HMCN2: variants seen among roughly 807,000 people sequenced by gnomAD.
The protein encoded by HMCN2 is hemicentin 2, also known as hemicentin-2.
Under a neutral mutation model 377.5 loss-of-function variants are expected in HMCN2, and 325 were observed. The observed-to-expected ratio is 0.86, with a 90% confidence interval of 0.79 to 0.94. The LOEUF (loss-of-function observed/expected upper bound fraction) is 0.94, where lower values mean the gene tolerates loss of function less well. Among genes scored for constraint, HMCN2 ranks in the 40% least tolerant of loss-of-function variants. The pLI is 0.00. For synonymous variants in HMCN2, 2,007 were observed against 2,046.8 expected, an observed-to-expected ratio of 0.98 and a Z score of 0.53; for missense variants, 4,543 against 4,725.3, an observed-to-expected ratio of 0.96 and a Z score of 1.13.
Position 130,353,061 on chromosome 9 carries a change from C to T in HMCN2, c.4720C>T (p.Pro1574Ser). Reference protein sequence around the residue: ...ITWFKDGALLPTSTKVVYTRG... With the variant: ...ITWFKDGALLSTSTKVVYTRG... Reference sequence around the variant, plus strand: ...CTGGTTCAAGGACGGGGCCCTGCTCCCCACCAGCACCAAGGTGGTCTACAC... The same window carrying T: ...CTGGTTCAAGGACGGGGCCCTGCTCTCCACCAGCACCAAGGTGGTCTACAC... The change falls in exon 31 of 98, where the codon CCC becomes TCC. Residue 1574 changes from proline (P) to serine (S), a missense_variant. Pro to Ser is a moderately conservative substitution (Grantham distance 74, BLOSUM62 -1). Around this residue, in one of 5 missense-constraint regions of HMCN2, gnomAD observed 1,032 missense variants for 1,285.1 expected, o/e 0.80. Transcript: ENST00000683500. 7.7e-7 allele frequency: 1 copy of T among 1,304,176 alleles called. No individual in the cohort carries two copies. The highest frequency in any genetic ancestry group is 2.1e-4 in the Middle Eastern group (1 of 4,698). 80.8% of individuals were successfully genotyped at this position (1,304,176 alleles called of 1,614,324 possible).
chr9:130,271,053 A>T (rs1004379526), intron 1 of HMCN2, among the ~76,000 whole-genome samples: 2 of 148,668 alleles, frequency 1.3e-5, no homozygotes, highest in African/African-American at 4.9e-5. Context: ...TTATTTGTCT[A>T]ATGTTTTTTT....
rs762999888 is a variant in HMCN2 at position 130,399,540 on chromosome 9, C to A, written c.11513C>A (p.Thr3838Lys). Residue 3838 changes from threonine (T) to lysine (K), a missense_variant, in exon 76 of 98, where the codon ACG becomes AAG. This residue lies in a region of HMCN2 where 1,073 missense variants were observed against 1,319.5 expected (regional missense o/e 0.81). Transcript: ENST00000683500. ...CTGCCCTCCAACGCCCTGCTCCTCA[C>A]GGCCCCCGGCCCCCAGGACTCAGCC... ...RLLPSNALLL[T>K]APGPQDSAQF... 2 of 1,289,228 alleles carry A rather than the reference C, an allele frequency of 1.6e-6. No individual in the cohort carries two copies. The highest frequency in any genetic ancestry group is 1.5e-5 in the African/African-American group (1 of 65,988). 79.9% of individuals were successfully genotyped at this position (1,289,228 alleles called of 1,614,324 possible). A position where few individuals can be genotyped will look rare whatever the true frequency, so the allele number is the denominator to read the frequency against.
At chr9:130,404,614 C>T (rs372422841) in intron 80 of HMCN2, among the ~76,000 whole-genome samples, 1 of 152,192 alleles carries the variant, frequency 6.6e-6, no homozygotes, top group Non-Finnish European at 1.5e-5. Flanking sequence ...TGTGTGTGTG[C>T]GTGTATATGT....
rs1368862063 is a variant in HMCN2, at chr9:130,429,821, G to A, written c.14326+136G>A. ...GCACCTCAGCTCAGGGGCTGAGGGT[G>A]TCTAAGGCGCCAGTGCTGTTGAGTT... On this transcript the variant is annotated intron_variant, in intron 94 of 97. Coordinates refer to ENST00000683500, the MANE Select transcript of HMCN2 (RefSeq NM_001291815.2). The A allele has an allele frequency of 7.8e-6, 11 of 1,405,884 alleles. No homozygotes were observed. The African/African-American group carries it at 8.7e-5, about 11-fold the overall frequency. The allele number at this position is 1,405,884 out of a possible 1,614,324, so 87.1% of individuals were successfully genotyped here.
intron 11 of HMCN2, 39 bp from the exon 12 acceptor site, chr9:130,306,090 G>A (rs1554936571): frequency 4.3e-6 from 2 of 468,696 alleles, no homozygotes; most frequent in Middle Eastern, 3.2e-4. Flanking sequence ...CGGCTGCTCT[G>A]ATGGGCTCAT....
At chr9:130,277,727 CCACCAT>C (rs1554923620) in intron 1 of HMCN2, among the ~76,000 whole-genome samples, 3 of 148,608 alleles carry the variant, frequency 2.0e-5, no homozygotes, top group South Asian at 2.2e-4. Context: ...ACCACCACCA[CCACCAT>C]CATCATCACC....
chr9:130,426,006 A>T, intron 90 of HMCN2, 82 bp downstream of exon 90: 1 of 1,008,752 alleles, frequency 9.9e-7, no homozygotes. Flanking sequence ...GCTGGAATCC[A>T]CCCCTGCCCC....
At position 130,356,213 on chromosome 9, in the gene HMCN2, A is replaced by G; in HGVS notation, c.5381A>G (p.Asn1794Ser). The G allele has an allele frequency of 1.5e-6, 2 of 1,303,154 alleles. No individual in the cohort carries two copies. Among genetic ancestry groups the G allele is most frequent in the Non-Finnish European group, 2.0e-6 (2 of 988,840 alleles). The allele number at this position is 1,303,154 out of a possible 1,614,324, so 80.7% of individuals were successfully genotyped here. The change falls in exon 34 of 98, where the codon AAT (asparagine) becomes AGT (serine). Residue 1794 changes from asparagine to serine, a missense_variant. Around this residue, in one of 5 missense-constraint regions of HMCN2, gnomAD observed 1,032 missense variants for 1,285.1 expected, o/e 0.80. Transcript: ENST00000683500. ...GGCCTCTTCGCCTGCCAGGCCACCA[A>G]TGAGGCGGGCACTGCCGGGGCCGAG... ...HSGLFACQATNEAGTAGAEVE... is the reference protein window; with the variant it reads ...HSGLFACQATSEAGTAGAEVE...
intron 86 of HMCN2, among the ~76,000 whole-genome samples, chr9:130,421,172 G>T (rs1168869017): frequency 6.6e-6 from 1 of 152,108 alleles, no homozygotes; most frequent in Non-Finnish European, 1.5e-5. Flanking sequence ...ATCCAATTAT[G>T]ATACACATCG....
rs558304325 is a variant in HMCN2, at chr9:130,302,903, C to T, written c.1323C>T (p.His441=). The T allele has an allele frequency of 1.3e-5, 6 of 470,644 alleles. No individual in the cohort carries two copies. Among genetic ancestry groups the T allele is most frequent in the Non-Finnish European group, 2.6e-5 (6 of 226,682 alleles). 29.2% of individuals were successfully genotyped at this position (470,644 alleles called of 1,614,324 possible). ...CCCCCAGGATCCATGGCTACCTGCA[C>T]CAGCCCCTGCTGGTCTCCTGCTCGG... ...SMAPRIHGYL[H]QPLLVSCSVH... The change falls in exon 9 of 98, where the codon CAC becomes CAT. Residue 441 remains histidine (H), a synonymous_variant. Coordinates refer to ENST00000683500, the MANE Select transcript of HMCN2 (RefSeq NM_001291815.2).
intron 22 of HMCN2, among the ~76,000 whole-genome samples, chr9:130,334,940 G>A (rs1838663428): frequency 2.0e-5 from 3 of 151,280 alleles, no homozygotes; most frequent in Admixed American, 6.6e-5. Flanking sequence ...GGGCTTGAGT[G>A]ATCCTCCCAA....
rs1404959314 is a variant in HMCN2, at chr9:130,380,149, G to A, written c.8431+682G>A. ...CTCGGATCGGCCTCCCAACATGCTG[G>A]GATTATAGGCGTGAGCCACCACGCT... On this transcript the variant is annotated intron_variant, in intron 54 of 97. Coordinates refer to ENST00000683500, the MANE Select transcript of HMCN2 (RefSeq NM_001291815.2). Among the ~76,000 whole-genome samples, 6 of 152,198 alleles carry A rather than the reference G, an allele frequency of 3.9e-5. No homozygotes were observed. The East Asian group carries it at 1.2e-3, about 29-fold the overall frequency.
chr9:130,317,501 CTCTCTT>C (rs1382217841), intron 15 of HMCN2, among the ~76,000 whole-genome samples: 56 of 106,632 alleles, frequency 5.3e-4, no homozygotes, highest in South Asian at 1.2e-3. Context: ...CTCTCTCTCT[CTCTCTT>C]TTTTGTAGAC....
intron 3 of HMCN2, 132 bp from the exon 4 acceptor site, chr9:130,286,056 G>A (rs1835394005): frequency 2.6e-6 from 1 of 385,212 alleles, no homozygotes; most frequent in Non-Finnish European, 5.3e-6. Context: ...TGTGTCATAT[G>A]TCATTCTATA....
intron 15 of HMCN2, among the ~76,000 whole-genome samples, chr9:130,317,032 G>A (rs888644569): frequency 0.76 from 114,778 of 151,734 alleles, 44,262 homozygotes; most frequent in Non-Finnish European, 0.84. Flanking sequence ...AGTTGTCTGC[G>A]TGGGTCCAGG....
chr9:130,352,479 G>A (rs772533245), intron 30 of HMCN2, among the ~76,000 whole-genome samples: 7 of 152,200 alleles, frequency 4.6e-5, no homozygotes, highest in African/African-American at 9.7e-5. Flanking sequence ...TGGGAGGGGC[G>A]TAACCATTCC....
chr9:130,430,298 C>G lies in HMCN2; in HGVS notation c.14341C>G (p.Leu4781Val). 6.5e-7 allele frequency: 1 copy of G among 1,540,138 alleles called. No individual in the cohort carries two copies. The highest frequency in any genetic ancestry group is 8.7e-7 in the Non-Finnish European group (1 of 1,146,146). Residue 4781 changes from leucine (L) to valine (V), a missense_variant, in exon 95 of 98, where the codon CTG becomes GTG. Leu to Val is a conservative substitution (Grantham distance 32, BLOSUM62 1). Transcript: ENST00000683500. ...SLPCLDVNECLQLPKACAYQC... is the reference protein window; with the variant it reads ...SLPCLDVNECVQLPKACAYQC... ...CCCGTCTGCAGATGTCAATGAGTGCCTGCAGCTGCCCAAGGCCTGCGCCTA... is the reference window on the plus strand; with the variant it reads ...CCCGTCTGCAGATGTCAATGAGTGCGTGCAGCTGCCCAAGGCCTGCGCCTA...
chr9:130,331,827 C>G (rs1484994041), intron 22 of HMCN2, among the ~76,000 whole-genome samples: 1 of 152,204 alleles, frequency 6.6e-6, no homozygotes, highest in Non-Finnish European at 1.5e-5. Context: ...CGGAGGCAGC[C>G]GGCCAGCATT....
At position 130,347,844 on chromosome 9, in the gene HMCN2, T is replaced by A. The variant is rs1839468322; in HGVS notation, c.4024+484T>A. Among the ~76,000 whole-genome samples, 1 of 152,138 alleles carries A rather than the reference T, an allele frequency of 6.6e-6. No individual in the cohort carries two copies. The highest frequency in any genetic ancestry group is 2.1e-4 in the South Asian group (1 of 4,824). On this transcript the variant is annotated intron_variant, in intron 26 of 97. Transcript: ENST00000683500. This position sits in a 1 kb window ranked among gnomAD's most constrained non-coding sequence, Gnocchi z 5.1. ...CAGTTTGGGAGAGAGAGACCCTGTC[T>A]CTACATAAAATAAACTTAAAAAATT...
Sources: allele counts gnomAD v4.1 joint callset (sites outside exome capture counted in the v4.1 genomes callset), GRCh38; gene constraint gnomAD v4.1.1; regional missense constraint gnomAD v4.1.1; non-coding constraint Gnocchi (gnomAD v3.1); transcripts MANE v1.5; gene names NCBI Gene and HGNC (gene_info 2026-07-23, HGNC 2026-07-21).